Variants in FHIT observed in about 807,000 individuals in gnomAD.
The protein encoded by FHIT is bis(5'-adenosyl)-triphosphatase.
Under a neutral mutation model 17.9 loss-of-function variants are expected in FHIT, and 19 were observed. The observed-to-expected ratio is 1.06, with a 90% CI of 0.74 to 1.56. The LOEUF (loss-of-function observed/expected upper bound fraction) is 1.56, where lower values mean the gene tolerates loss of function less well. Ranked by LOEUF, FHIT falls within the 40% of genes most tolerant of loss-of-function variation. The pLI is 0.00. For missense variants in FHIT, 248 were observed against 189.2 expected (o/e 1.31, Z -1.82); for synonymous variants, 81 against 69.7 (o/e 1.16, Z -0.81).
intron 7 of FHIT, among the ~76,000 whole-genome samples, chr3:59,926,448 C>CATTCTA (rs1190729429): frequency 6.6e-6 from 1 of 152,186 alleles, no homozygotes; most frequent in Non-Finnish European, 1.5e-5. Context: ...AATGACTATA[C>CATTCTA]ATTCTAATTT....
At chr3:61,183,173 T>C (rs779845554) in intron 2 of FHIT, among the ~76,000 whole-genome samples, 4 of 152,226 alleles carry the variant, frequency 2.6e-5, no homozygotes, top group Non-Finnish European at 5.9e-5. Context: ...CGTTATGTTC[T>C]AGCTCTCTCT....
intron 4 of FHIT, among the ~76,000 whole-genome samples, chr3:60,782,361 T>C (rs1266579022): frequency 6.6e-6 from 1 of 152,156 alleles, no homozygotes; most frequent in Non-Finnish European, 1.5e-5. Context: ...CCTTGTTCAC[T>C]ACTGATGGGA....
intron 5 of FHIT, among the ~76,000 whole-genome samples, chr3:60,265,711 G>C (rs1706540132): frequency 6.6e-6 from 1 of 151,790 alleles, no homozygotes; most frequent in African/African-American, 2.4e-5. Flanking sequence ...AATATATAAA[G>C]AACTTTTTCA....
At position 61,017,832 on chromosome 3, in the gene FHIT, C is replaced by T. The variant is rs534812078; in HGVS notation, c.-111+24215G>A. ...ATAATCAGCTGATACAGAAATGGAA[C>T]AGCTGTCTCACACAGAAGTGGCTAA... On this transcript the variant is annotated intron_variant, in intron 3 of 9. Coordinates refer to ENST00000492590, the MANE Select transcript of FHIT (RefSeq NM_002012.4). Among the ~76,000 whole-genome samples, 4 of 152,188 alleles carry T rather than the reference C, an allele frequency of 2.6e-5. No homozygotes were observed. In the East Asian group the frequency reaches 7.7e-4, roughly 29 times the overall value.
chr3:60,536,736 G>T (rs893129596), intron 5 of FHIT, 124 bp downstream of exon 5: 6 of 997,642 alleles, frequency 6.0e-6, no homozygotes, highest in Non-Finnish European at 8.3e-6. Context: ...GAAGTGGGAG[G>T]GAGATGGATT....
intron 3 of FHIT, among the ~76,000 whole-genome samples, chr3:60,993,714 A>AT (rs1306172466): frequency 1.3e-5 from 2 of 152,228 alleles, no homozygotes; most frequent in African/African-American, 2.4e-5. Context: ...AGCTGCATCC[A>AT]TAAAAAAAAG....
At chr3:60,035,807 G>C (rs1474567345) in intron 5 of FHIT, among the ~76,000 whole-genome samples, 1 of 152,178 alleles carries the variant, frequency 6.6e-6, no homozygotes, top group African/African-American at 2.4e-5. Flanking sequence ...ATATGCCTTA[G>C]TTAATATTGT....
intron 2 of FHIT, among the ~76,000 whole-genome samples, chr3:61,116,395 C>T (rs905619809): frequency 2.0e-5 from 3 of 152,086 alleles, no homozygotes; most frequent in Non-Finnish European, 1.5e-5. Flanking sequence ...TGGGAATGCC[C>T]TTGTCCACAG....
intron 3 of FHIT, among the ~76,000 whole-genome samples, chr3:60,870,813 T>C (rs559905108): frequency 7.9e-5 from 12 of 152,164 alleles, no homozygotes; most frequent in South Asian, 2.1e-4. Context: ...ACTTGGGTAA[T>C]GTAATTCCGT....
At chr3:60,680,919 A>G (rs1264296966) in intron 4 of FHIT, among the ~76,000 whole-genome samples, 3 of 152,242 alleles carry the variant, frequency 2.0e-5, no homozygotes, top group Non-Finnish European at 4.4e-5. Flanking sequence ...AGAAGAAAAC[A>G]AAACAAGTGA....
At chr3:61,193,718 T>C (rs1480889457) in intron 2 of FHIT, among the ~76,000 whole-genome samples, 1 of 152,214 alleles carries the variant, frequency 6.6e-6, no homozygotes, top group Non-Finnish European at 1.5e-5. Context: ...GTATTTTTAG[T>C]TGATTTGACA....
At chr3:61,000,870 G>T (rs1164903481) in intron 3 of FHIT, among the ~76,000 whole-genome samples, 1 of 152,118 alleles carries the variant, frequency 6.6e-6, no homozygotes, top group Non-Finnish European at 1.5e-5. Context: ...TACCACTAGG[G>T]CAGCGATGGG....
intron 2 of FHIT, among the ~76,000 whole-genome samples, chr3:61,154,926 C>A (rs936799404): frequency 6.6e-6 from 1 of 152,182 alleles, no homozygotes; most frequent in Admixed American, 6.5e-5. Flanking sequence ...AAAGCTAGTT[C>A]ACATCATCTC....
intron 5 of FHIT, among the ~76,000 whole-genome samples, chr3:60,459,656 T>G (rs1006678059): frequency 6.6e-6 from 1 of 152,258 alleles, no homozygotes; most frequent in South Asian, 2.1e-4. Context: ...TTCCACAAAA[T>G]AGCCTTTTTC....
At chr3:60,081,991 G>C (rs1003155773) in intron 5 of FHIT, among the ~76,000 whole-genome samples, 13 of 151,196 alleles carry the variant, frequency 8.6e-5, no homozygotes, top group African/African-American at 2.9e-4. Context: ...TTTTATTTTT[G>C]ATTTCGGGGT....
intron 5 of FHIT, among the ~76,000 whole-genome samples, chr3:60,109,042 T>C (rs1274819623): frequency 1.3e-5 from 2 of 152,238 alleles, no homozygotes; most frequent in African/African-American, 4.8e-5. Context: ...GCAGAGCTGG[T>C]TTCTGCATTG....
At position 60,975,463 on chromosome 3, in the gene FHIT, T is replaced by A. The variant is rs553080756; in HGVS notation, c.-111+66584A>T. Among the ~76,000 whole-genome samples, 3 of 152,280 alleles carry A rather than the reference T, an allele frequency of 2.0e-5. No individual in the cohort carries two copies. The East Asian group carries it at 5.8e-4, about 29-fold the overall frequency. Reference sequence around the variant, plus strand: ...CTTTATTTCCCTCATTCACAACTAATCACTGTCTCCAGGAGGAACAGACTA... The same window carrying A: ...CTTTATTTCCCTCATTCACAACTAAACACTGTCTCCAGGAGGAACAGACTA... On this transcript the variant is annotated intron_variant, in intron 3 of 9. Transcript: ENST00000492590.
intron 5 of FHIT, among the ~76,000 whole-genome samples, chr3:60,347,898 A>G (rs1452096579): frequency 2.0e-5 from 3 of 151,922 alleles, no homozygotes; most frequent in Non-Finnish European, 2.9e-5. Flanking sequence ...AGCTGGGATT[A>G]CAGGCGCCCA....
At chr3:60,293,122 T>C (rs527774832) in intron 5 of FHIT, among the ~76,000 whole-genome samples, 2 of 152,146 alleles carry the variant, frequency 1.3e-5, no homozygotes, top group Non-Finnish European at 2.9e-5. Context: ...TGTTCAAATA[T>C]AGTATAATAT....
Sources: gnomAD v4.1 joint callset for allele counts (sites outside exome capture counted in the v4.1 genomes callset) on GRCh38, gnomAD v4.1.1 for gene constraint, MANE v1.5 for transcripts, NCBI Gene and HGNC (gene_info 2026-07-23, HGNC 2026-07-21) for gene names.